METTL15: variants seen among roughly 807,000 people sequenced by gnomAD.
METTL15 encodes methyltransferase 15, mitochondrial 12S rRNA N4-cytidine.
A neutral mutation model predicts 38.3 loss-of-function variants in METTL15; 34 were observed. That is an observed-to-expected ratio of 0.89 (90% CI 0.68 to 1.18). The LOEUF (loss-of-function observed/expected upper bound fraction) is 1.18, where lower values mean the gene tolerates loss of function less well. METTL15 is among the 50% of genes most tolerant of loss of function. The pLI is 0.00. For synonymous variants in METTL15, 162 were observed against 170.9 expected (o/e 0.95, Z 0.41); for missense variants, 438 against 498.4 (o/e 0.88, Z 1.15).
chr11:28,118,093 C>T (rs566227309), intron 3 of METTL15, among the ~76,000 whole-genome samples: 113 of 152,158 alleles, frequency 7.4e-4, no homozygotes, highest in Admixed American at 2.1e-3. Context: ...AGCTCCACCT[C>T]GCAGGTTCAC....
intron 4 of METTL15, among the ~76,000 whole-genome samples, chr11:28,220,139 C>T (rs1405525896): frequency 1.3e-5 from 2 of 152,102 alleles, no homozygotes; most frequent in Admixed American, 6.6e-5. Context: ...TCTTGTTGAT[C>T]TGTCTAATGT....
chr11:28,167,693 C>T (rs181487754), intron 3 of METTL15, among the ~76,000 whole-genome samples: 129 of 150,676 alleles, frequency 8.6e-4, no homozygotes, highest in Non-Finnish European at 1.2e-3. Context: ...TCCCACAGTA[C>T]GAGATTCACC....
chr11:28,517,228 A>G (rs780242122), intron 6 of METTL15: 3 of 152,076 alleles, frequency 2.0e-5, no homozygotes, highest in Non-Finnish European at 4.4e-5. Context: ...CCCCCAATCA[A>G]TTGTGGCATC....
At chr11:28,384,603 C>T (rs1360051637) in intron 5 of METTL15, among the ~76,000 whole-genome samples, 2 of 152,114 alleles carry the variant, frequency 1.3e-5, no homozygotes, top group African/African-American at 4.8e-5. Context: ...AGCCACCACA[C>T]CCAGCCACAT....
intron 4 of METTL15, among the ~76,000 whole-genome samples, chr11:28,260,987 C>T (rs1310176917): frequency 1.3e-5 from 2 of 152,014 alleles, no homozygotes; most frequent in African/African-American, 4.8e-5. Flanking sequence ...TTATGGGCTT[C>T]AAAGGAAGAC....
chr11:28,165,520 T>C (rs1850628330), intron 3 of METTL15, among the ~76,000 whole-genome samples: 1 of 152,142 alleles, frequency 6.6e-6, no homozygotes, highest in Non-Finnish European at 1.5e-5. Flanking sequence ...TTTTAATTGG[T>C]TTACTTGTTT....
chr11:28,117,332 A>G (rs866474754), intron 3 of METTL15, among the ~76,000 whole-genome samples: 4 of 147,948 alleles, frequency 2.7e-5, no homozygotes, highest in Admixed American at 6.8e-5. Context: ...AAAAATTGGA[A>G]CCAAATTCAG....
intron 4 of METTL15, among the ~76,000 whole-genome samples, chr11:28,211,683 T>C (rs1440773385): frequency 6.6e-6 from 1 of 152,012 alleles, no homozygotes; most frequent in Non-Finnish European, 1.5e-5. Flanking sequence ...GAAAAAGTGA[T>C]GTATAACTAA....
intron 5 of METTL15, among the ~76,000 whole-genome samples, chr11:28,380,595 G>C (rs1850372607): frequency 6.6e-6 from 1 of 152,000 alleles, no homozygotes; most frequent in African/African-American, 2.4e-5. Context: ...TTCTCTAGCA[G>C]CATGTTTTAA....
chr11:28,214,854 A>G (rs889622144), intron 4 of METTL15, among the ~76,000 whole-genome samples: 5 of 152,216 alleles, frequency 3.3e-5, no homozygotes, highest in African/African-American at 1.2e-4. Flanking sequence ...CTAAAAATTT[A>G]AAACTCTATT....
chr11:28,369,985 G>A (rs907999157), intron 5 of METTL15, among the ~76,000 whole-genome samples: 2 of 152,088 alleles, frequency 1.3e-5, no homozygotes, highest in Non-Finnish European at 2.9e-5. Context: ...TACATGTAAC[G>A]ATTTAATAGA....
intron 4 of METTL15, among the ~76,000 whole-genome samples, chr11:28,267,326 G>A (rs369254358): frequency 1.4e-4 from 22 of 152,074 alleles, no homozygotes; most frequent in South Asian, 2.1e-4. Context: ...TAAAGTCAGT[G>A]CATTAGCTGT....
At chr11:28,235,397 A>T (rs1167478568) in intron 4 of METTL15, among the ~76,000 whole-genome samples, 1 of 151,852 alleles carries the variant, frequency 6.6e-6, no homozygotes, top group African/African-American at 2.4e-5. Flanking sequence ...TACCTTGGGC[A>T]GTATGGCCAT....
intron 6 of METTL15, among the ~76,000 whole-genome samples, chr11:28,515,945 A>G (rs1388607191): frequency 6.6e-6 from 1 of 152,236 alleles, no homozygotes; most frequent in East Asian, 1.9e-4. Flanking sequence ...GTGAACATAC[A>G]TCTTGATAGA....
At chr11:28,232,542 T>C (rs1590194642) in intron 4 of METTL15, among the ~76,000 whole-genome samples, 2 of 151,692 alleles carry the variant, frequency 1.3e-5, no homozygotes, top group Admixed American at 6.6e-5. Context: ...ATTAAAGATA[T>C]TATAATTCAT....
intron 5 of METTL15, among the ~76,000 whole-genome samples, chr11:28,374,651 CT>C (rs1850285517): frequency 6.7e-6 from 1 of 148,172 alleles, no homozygotes; most frequent in Non-Finnish European, 1.5e-5. Flanking sequence ...ATTGAATACC[CT>C]TTATTTCCTT....
intron 3 of METTL15, among the ~76,000 whole-genome samples, chr11:28,165,678 A>G (rs1416691223): frequency 1.3e-5 from 2 of 150,804 alleles, no homozygotes; most frequent in African/African-American, 2.4e-5. Context: ...CCATTTGTCT[A>G]TTTTTGCTTT....
chr11:28,403,925 T>C (rs574932690), intron 5 of METTL15, among the ~76,000 whole-genome samples: 1 of 152,202 alleles, frequency 6.6e-6, no homozygotes, highest in South Asian at 2.1e-4. Flanking sequence ...AAAACCATGC[T>C]GATTTCTGTA....
chr11:28,262,590 T>C (rs1855252120), intron 4 of METTL15, among the ~76,000 whole-genome samples: 1 of 152,218 alleles, frequency 6.6e-6, no homozygotes, highest in African/African-American at 2.4e-5. Flanking sequence ...TGAGATGTAA[T>C]AGAAATTCAA....
Sources: allele counts gnomAD v4.1 joint callset (sites outside exome capture counted in the v4.1 genomes callset), GRCh38; gene constraint gnomAD v4.1.1; transcripts MANE v1.5; gene names NCBI Gene and HGNC (gene_info 2026-07-23, HGNC 2026-07-21).